The following OR6N1 variants were observed in gnomAD, a reference collection of about 807,000 sequenced individuals.
OR6N1 encodes the protein olfactory receptor 6N1.
For synonymous variants in OR6N1, 170 were observed against 150.7 expected (o/e 1.13, Z -0.94); for missense variants, 394 against 371.7 (o/e 1.06, Z -0.49).
the OR6N1 span, among the ~76,000 whole-genome samples, chr1:158,823,834 A>G: frequency 6.6e-6 from 1 of 152,044 alleles, no homozygotes; most frequent in Non-Finnish European, 1.5e-5. Context: ...TTGACTTTTG[A>G]TGAGGGCATT....
At chr1:158,784,330 C>T in the OR6N1 span, among the ~76,000 whole-genome samples, 30 of 152,134 alleles carry the variant, frequency 2.0e-4, no homozygotes, top group Non-Finnish European at 3.8e-4. Context: ...GGGTAGAGTG[C>T]GATGTCTTGA....
chr1:158,830,540 C>T, the OR6N1 span, among the ~76,000 whole-genome samples: 1 of 152,122 alleles, frequency 6.6e-6, no homozygotes, highest in Admixed American at 6.5e-5. Context: ...CTAACTGATA[C>T]CATTCATTTG....
chr1:158,787,635 T>TCTCTCTCTCACA, the OR6N1 span, among the ~76,000 whole-genome samples: 297 of 134,306 alleles, frequency 2.2e-3, 2 homozygotes, highest in Middle Eastern at 7.3e-3. Context: ...TCTCTCTCTC[T>TCTCTCTCTCACA]CACACACACA....
chr1:158,773,279 T>C (rs12097651), upstream of OR6N1, among the ~76,000 whole-genome samples: 3,605 of 152,288 alleles, frequency 0.024, 62 homozygotes, highest in African/African-American at 0.039. Context: ...ATTTTGTTTT[T>C]TGACTAGTAT....
upstream of OR6N1, among the ~76,000 whole-genome samples, chr1:158,773,721 G>A (rs374066584): frequency 7.2e-5 from 11 of 151,760 alleles, no homozygotes; most frequent in East Asian, 1.7e-3. Flanking sequence ...CACTAACATA[G>A]TTTCTAAGAA....
the OR6N1 span, among the ~76,000 whole-genome samples, chr1:158,784,934 TC>T: frequency 3.9e-5 from 6 of 152,226 alleles, no homozygotes; most frequent in Non-Finnish European, 7.4e-5. Context: ...ATCTGCACTC[TC>T]ATGTTTACTG....
intron 1 of OR6N1, among the ~76,000 whole-genome samples, chr1:158,769,445 T>G (rs1032615066): frequency 2.6e-5 from 4 of 152,192 alleles, no homozygotes; most frequent in Non-Finnish European, 4.4e-5. Context: ...ATTACAGGCA[T>G]AAGTCACCAT....
chr1:158,777,410 T>C, the OR6N1 span: 2 of 1,614,126 alleles, frequency 1.2e-6, no homozygotes, highest in Non-Finnish European at 8.5e-7. Context: ...GGGATAGTGG[T>C]AGCTGTATAC....
the OR6N1 span, among the ~76,000 whole-genome samples, chr1:158,787,635 T>TCTCTCTCACACACACACACACACACA: frequency 2.7e-4 from 36 of 134,280 alleles, no homozygotes; most frequent in Non-Finnish European, 5.2e-4. Context: ...TCTCTCTCTC[T>TCTCTCTCACACACACACACACACACA]CACACACACA....
chr1:158,779,299 G>A, the OR6N1 span, among the ~76,000 whole-genome samples: 1 of 149,458 alleles, frequency 6.7e-6, no homozygotes, highest in Admixed American at 6.7e-5. Context: ...AGATCATACT[G>A]CAATTGAAGA....
In OR6N1 at chr1:158,765,643, A is replaced by G. The variant is rs530133021; in HGVS notation, c.*101T>C. On this transcript the variant is annotated 3_prime_UTR_variant, in exon 2 of 2. Coordinates refer to ENST00000641846, the MANE Select transcript of OR6N1 (RefSeq NM_001005185.2). ...ACTTGCTGCAGCTCCACCACCCCAC[A>G]TAGAAAAGCACTGAATTTTTAGTTT... is the stretch of plus-strand genomic sequence containing the variant. 9.3e-6 allele frequency: 9 copies of G among 969,016 alleles called. No homozygotes were observed. In the East Asian group the frequency reaches 1.7e-4, roughly 18 times the overall value. The allele number at this position is 969,016 out of a possible 1,614,324, so 60.0% of individuals were successfully genotyped here. A position where few individuals can be genotyped will look rare whatever the true frequency, so the allele number is the denominator to read the frequency against.
the OR6N1 span, among the ~76,000 whole-genome samples, chr1:158,792,710 C>G: frequency 6.6e-6 from 1 of 151,972 alleles, no homozygotes; most frequent in Non-Finnish European, 1.5e-5. Context: ...AAGATAGGAC[C>G]CCAGTCTTTT....
the OR6N1 span, among the ~76,000 whole-genome samples, chr1:158,780,342 A>G: frequency 0.15 from 22,194 of 152,218 alleles, 2,107 homozygotes; most frequent in Non-Finnish European, 0.22. Context: ...GGAGCACCCT[A>G]AAGGCCTCTG....
the OR6N1 span, chr1:158,777,682 G>T: frequency 1.6e-6 from 2 of 1,271,694 alleles, no homozygotes; most frequent in Non-Finnish European, 1.1e-6. Context: ...GGATTGAGAT[G>T]ACTGCTGAAT....
chr1:158,835,094 A>G, the OR6N1 span, among the ~76,000 whole-genome samples: 1 of 152,188 alleles, frequency 6.6e-6, no homozygotes, highest in Non-Finnish European at 1.5e-5. Context: ...AGGCTATTTA[A>G]AGTACCTTTA....
upstream of OR6N1, chr1:158,776,653 T>C (rs537946221): frequency 4.4e-5 from 59 of 1,329,038 alleles, no homozygotes; most frequent in Non-Finnish European, 5.8e-5. Context: ...GAATTGAACA[T>C]TGAGGTGAGA....
rs559229199 is a variant in OR6N1 at position 158,771,727 on chromosome 1, G to A, written c.-19+294C>T. ...CACTCAACGTCTTCATTTAAAAAAC[G>A]AAACAAACAAACAAACAACAAAAAC... is the stretch of plus-strand genomic sequence containing the variant. On this transcript the variant is annotated intron_variant, in intron 1 of 1. Transcript: ENST00000641846. Among the ~76,000 whole-genome samples the A allele has an allele frequency of 2.4e-4, 37 of 152,180 alleles. No homozygotes were observed. In the South Asian group the frequency reaches 5.2e-3, roughly 21 times the overall value.
At chr1:158,800,387 A>G in the OR6N1 span, among the ~76,000 whole-genome samples, 2 of 152,322 alleles carry the variant, frequency 1.3e-5, no homozygotes, top group East Asian at 3.9e-4. Flanking sequence ...TTTTCTCCAC[A>G]ACATTAATTT....
chr1:158,825,575 A>G, the OR6N1 span, among the ~76,000 whole-genome samples: 1 of 152,222 alleles, frequency 6.6e-6, no homozygotes, highest in Non-Finnish European at 1.5e-5. Context: ...CAACAGTGAG[A>G]AACCATCTCG....
Sources: allele counts gnomAD v4.1 joint callset (sites outside exome capture counted in the v4.1 genomes callset), GRCh38; gene constraint gnomAD v4.1.1; transcripts MANE v1.5; gene names NCBI Gene and HGNC (gene_info 2026-07-23, HGNC 2026-07-21).